Variants in DCP1A observed in about 807,000 individuals in gnomAD.
The protein encoded by DCP1A is decapping mRNA 1A.
DCP1A carries 20 observed loss-of-function variants against 58.0 expected under a neutral mutation model. The ratio of observed to expected loss-of-function variants is 0.34; its 90% CI spans 0.24 to 0.50. DCP1A has a LOEUF of 0.50. DCP1A is among the 20% of genes least tolerant of loss of function. The probability of loss-of-function intolerance (pLI) is 0.98; values close to 1 mark genes in which losing one functional copy is unlikely to be tolerated. For missense variants in DCP1A, 613 were observed against 712.2 expected, an observed-to-expected ratio of 0.86 and a Z score of 1.59; for synonymous variants, 285 against 275.1, an observed-to-expected ratio of 1.04 and a Z score of -0.36.
intron 5 of DCP1A, among the ~76,000 whole-genome samples, chr3:53,308,268 G>A (rs1707535695): frequency 6.6e-6 from 1 of 151,972 alleles, no homozygotes; most frequent in South Asian, 2.1e-4. Context: ...GAAAAATAAT[G>A]GTGTTCATGT....
intron 3 of DCP1A, chr3:53,338,157 G>A (rs1553692153): frequency 4.5e-6 from 2 of 447,890 alleles, no homozygotes; most frequent in East Asian, 1.4e-4. Flanking sequence ...TGTAAGTTGA[G>A]GATCAGAAAT....
rs1450992348 is a variant in DCP1A, at chr3:53,285,635, G to T, written c.*1945C>A. 1 of 152,080 alleles carries T rather than the reference G, an allele frequency of 6.6e-6. No individual in the cohort carries two copies. The highest frequency in any genetic ancestry group is 2.1e-4 in the South Asian group (1 of 4,800). The allele number at this position is 152,080 out of a possible 1,614,324, so 9.4% of individuals were successfully genotyped here. On this transcript the variant is annotated 3_prime_UTR_variant, in exon 10 of 10. Coordinates refer to ENST00000610213, the MANE Select transcript of DCP1A (RefSeq NM_018403.7). ...TAGTATGATCACAGACTCTCTTTAG[G>T]ATATTCTCTCTTAACTCTCTCATAA... is the stretch of plus-strand genomic sequence containing the variant.
At chr3:53,307,896 C>T (rs1241655894) in intron 5 of DCP1A, among the ~76,000 whole-genome samples, 2 of 152,028 alleles carry the variant, frequency 1.3e-5, no homozygotes, top group African/African-American at 4.8e-5. Context: ...ATATAATGCA[C>T]ATAAGGAAAA....
chr3:53,303,301 C>T (rs781973235), intron 6 of DCP1A, among the ~76,000 whole-genome samples: 2 of 151,886 alleles, frequency 1.3e-5, no homozygotes, highest in Non-Finnish European at 2.9e-5. Context: ...GAGTCTTACT[C>T]TGTTGCTCAG....
chr3:53,293,440 T>C lies in DCP1A; in HGVS notation c.625-613A>G, dbSNP rs191922608. Among the ~76,000 whole-genome samples the C allele has an allele frequency of 5.3e-5, 8 of 152,324 alleles. No homozygotes were observed. In the East Asian group the frequency reaches 1.5e-3, roughly 29 times the overall value. On this transcript the variant is annotated intron_variant, in intron 6 of 9. Coordinates refer to ENST00000610213, the MANE Select transcript of DCP1A (RefSeq NM_018403.7). Reference sequence around the variant, plus strand: ...GAAAAACATTCGTGTTTTCCTGTACTTTTAAGCAGTATTTCCATAGTCAAT... The same window carrying C: ...GAAAAACATTCGTGTTTTCCTGTACCTTTAAGCAGTATTTCCATAGTCAAT...
intron 4 of DCP1A, among the ~76,000 whole-genome samples, chr3:53,315,978 T>G (rs1707800130): frequency 6.6e-6 from 1 of 152,018 alleles, no homozygotes; most frequent in Non-Finnish European, 1.5e-5. Flanking sequence ...ATGGTCTCGA[T>G]CTCCTGACCT....
At chr3:53,303,573 A>AT (rs1227432436) in intron 6 of DCP1A, among the ~76,000 whole-genome samples, 1 of 152,184 alleles carries the variant, frequency 6.6e-6, no homozygotes, top group Non-Finnish European at 1.5e-5. Flanking sequence ...GCCAAGGGTT[A>AT]TTTTAAATAG....
intron 1 of DCP1A, among the ~76,000 whole-genome samples, chr3:53,346,152 C>G (rs1279964345): frequency 1.3e-5 from 2 of 151,792 alleles, no homozygotes; most frequent in Admixed American, 6.6e-5. Flanking sequence ...ATATATAGGC[C>G]AAGAAAAGAA....
chr3:53,288,740 A>G (rs1007606681), intron 8 of DCP1A, among the ~76,000 whole-genome samples: 1 of 152,164 alleles, frequency 6.6e-6, no homozygotes, highest in Non-Finnish European at 1.5e-5. Flanking sequence ...ACTCATTTAA[A>G]AATCTGCATG....
rs1553686236 is a variant in DCP1A, at chr3:53,292,522, G to A, written c.930C>T (p.Tyr310=). ...TGAGAACAGGGCTCAACGGGATTGTGTAGGTTGGAGCATGCTTTTCATTGG... is the reference window on the plus strand; with the variant it reads ...TGAGAACAGGGCTCAACGGGATTGTATAGGTTGGAGCATGCTTTTCATTGG... ...TQSNEKHAPT[Y]TIPLSPVLSP... is the part of the protein sequence containing the mutation. The change falls in exon 7 of 10, where the codon TAC becomes TAT. Residue 310 remains tyrosine (Y), a synonymous_variant. Coordinates refer to ENST00000610213, the MANE Select transcript of DCP1A (RefSeq NM_018403.7). 1 of 1,614,002 alleles carries A rather than the reference G, an allele frequency of 6.2e-7. No individual in the cohort carries two copies.
chr3:53,305,974 AT>A (rs1553687989), intron 5 of DCP1A, among the ~76,000 whole-genome samples: 2 of 152,252 alleles, frequency 1.3e-5, no homozygotes, highest in African/African-American at 4.8e-5. Flanking sequence ...TATTTGTGCT[AT>A]CTGATCCGGC....
chr3:53,337,071 C>T (rs777474991), intron 3 of DCP1A, among the ~76,000 whole-genome samples: 1 of 151,980 alleles, frequency 6.6e-6, no homozygotes, highest in South Asian at 2.1e-4. Flanking sequence ...GGGGTTTCGC[C>T]GTGTTGGCCA....
rs1553684732 is a variant in DCP1A at position 53,283,704 on chromosome 3, C to T, written c.*3876G>A. 1 of 152,114 alleles carries T rather than the reference C, an allele frequency of 6.6e-6. No homozygotes were observed. The highest frequency in any genetic ancestry group is 1.5e-5 in the Non-Finnish European group (1 of 68,016). The allele number at this position is 152,114 out of a possible 1,614,324, so 9.4% of individuals were successfully genotyped here. A position where few individuals can be genotyped will look rare whatever the true frequency, so the allele number is the denominator to read the frequency against. ...AGTCATGAGAGCCACATGGCCAAAG[C>T]AGTAATACAGAATAAAAAACCATTT... is the stretch of plus-strand genomic sequence containing the variant. On this transcript the variant is annotated 3_prime_UTR_variant, in exon 10 of 10. Coordinates refer to ENST00000610213, the MANE Select transcript of DCP1A (RefSeq NM_018403.7).
intron 5 of DCP1A, among the ~76,000 whole-genome samples, chr3:53,308,922 T>C (rs1345036847): frequency 1.3e-5 from 2 of 152,000 alleles, no homozygotes; most frequent in African/African-American, 4.8e-5. Flanking sequence ...AGAACAAAAA[T>C]ACCCTGGACT....
rs199734826 is a variant in DCP1A at position 53,288,140 on chromosome 3, C to T, written c.1593G>A (p.Thr531=). 25 of 1,613,980 alleles carry T rather than the reference C, an allele frequency of 1.5e-5. No homozygotes were observed. The highest frequency in any genetic ancestry group is 2.2e-5 in the East Asian group (1 of 44,884). The part of the protein sequence containing the change: ...ASSPSPLTIG[T]PESQRKPSII... The stretch of plus-strand genomic sequence containing the variant: ...TGGAAGGCTTTCTCTGACTTTCTGG[C>T]GTTCCAATAGTTAGAGGAGAAGGGG... The change falls in exon 9 of 10, where the codon ACG becomes ACA. Residue 531 remains threonine (T), a synonymous_variant. Coordinates refer to ENST00000610213, the MANE Select transcript of DCP1A (RefSeq NM_018403.7).
At chr3:53,330,019 T>G (rs2088957224) in intron 3 of DCP1A, among the ~76,000 whole-genome samples, 1 of 152,158 alleles carries the variant, frequency 6.6e-6, no homozygotes, top group Admixed American at 6.5e-5. Flanking sequence ...AATGGGTGAG[T>G]ACTGCTGCTG....
At chr3:53,312,495 C>CTTTTTTTT (rs879948145) in intron 4 of DCP1A, 116 bp from the exon 5 acceptor site, 1 of 491,504 alleles carries the variant, frequency 2.0e-6, no homozygotes, top group African/African-American at 2.3e-5. Flanking sequence ...TGACATTCTT[C>CTTTTTTTT]TTTTTTTTTT....
chr3:53,299,844 T>G (rs144156848), intron 6 of DCP1A, among the ~76,000 whole-genome samples: 1 of 152,268 alleles, frequency 6.6e-6, no homozygotes, highest in African/African-American at 2.4e-5. Flanking sequence ...TTCATAAAAT[T>G]TTGTCACTAT....
intron 5 of DCP1A, among the ~76,000 whole-genome samples, chr3:53,305,050 C>A (rs891239153): frequency 4.6e-5 from 7 of 152,280 alleles, no homozygotes; most frequent in African/African-American, 1.7e-4. Context: ...CCTCCACTCC[C>A]GGCAACTAGG....
Sources: allele counts gnomAD v4.1 joint callset (sites outside exome capture counted in the v4.1 genomes callset), GRCh38; gene constraint gnomAD v4.1.1; transcripts MANE v1.5; gene names NCBI Gene and HGNC (gene_info 2026-07-23, HGNC 2026-07-21).